PECAM1: variants seen among roughly 807,000 people sequenced by gnomAD.
PECAM1 encodes the protein platelet and endothelial cell adhesion molecule 1, also known as platelet endothelial cell adhesion molecule.
A neutral mutation model predicts 13.8 loss-of-function variants in PECAM1; 8 were observed. The observed-to-expected ratio is 0.58, with a 90% CI of 0.34 to 1.05. PECAM1 has a LOEUF of 1.05. Ranked by LOEUF, PECAM1 falls within the 50% of genes least tolerant of loss-of-function variation. The pLI, the probability that PECAM1 is intolerant of heterozygous loss-of-function variation, is 0.03. For missense variants in PECAM1, 304 were observed against 141.2 expected (o/e 2.15, Z -5.84); for synonymous variants, 136 against 52.6 (o/e 2.58, Z -6.86).
intron 14 of PECAM1, among the ~76,000 whole-genome samples, chr17:64,339,634 T>A (rs1377471675): frequency 2.0e-5 from 3 of 152,164 alleles, no homozygotes; most frequent in Non-Finnish European, 4.4e-5. Flanking sequence ...ATTGTCAGAT[T>A]TGCATTTTGT....
intron 3 of PECAM1, among the ~76,000 whole-genome samples, 174 bp from the exon 4 acceptor site, chr17:64,375,530 C>G (rs2036337446): frequency 6.6e-6 from 1 of 152,094 alleles, no homozygotes; most frequent in African/African-American, 2.4e-5. Flanking sequence ...AATAAATGAA[C>G]AGGTATGTGC....
At chr17:64,336,582 T>G (rs1598001912) in intron 14 of PECAM1, among the ~76,000 whole-genome samples, 1 of 151,928 alleles carries the variant, frequency 6.6e-6, no homozygotes, top group Non-Finnish European at 1.5e-5. Context: ...TAGCAACCAG[T>G]AAGAGGAAAA....
chr17:64,332,382 G>T (rs1421080729), intron 14 of PECAM1, among the ~76,000 whole-genome samples: 1 of 152,090 alleles, frequency 6.6e-6, no homozygotes, highest in African/African-American at 2.4e-5. Context: ...AACAGCGAAA[G>T]AACCTCAAGT....
intron 2 of PECAM1, among the ~76,000 whole-genome samples, chr17:64,386,203 G>C (rs916087376): frequency 2.6e-5 from 4 of 152,276 alleles, no homozygotes; most frequent in Non-Finnish European, 4.4e-5. Context: ...TCAGGAGTTT[G>C]AGAATAGCCT....
In PECAM1 at chr17:64,321,543, A is replaced by C. The variant is rs1457124906; in HGVS notation, c.*2273T>G. 1 of 726,950 alleles carries C rather than the reference A, an allele frequency of 1.4e-6. No homozygotes were observed. Among genetic ancestry groups the C allele is most frequent in the East Asian group, 1.1e-4 (1 of 8,790 alleles). The allele number at this position is 726,950 out of a possible 1,614,324, so 45.0% of individuals were successfully genotyped here. A position where few individuals can be genotyped will look rare whatever the true frequency, so the allele number is the denominator to read the frequency against. On this transcript the variant is annotated 3_prime_UTR_variant, in exon 16 of 16. Transcript: ENST00000563924. ...GAGGCCAAGGAGGGAGGATCACTTG[A>C]GCCCAGAAGTTCGAGACCAGCCTGG...
chr17:64,350,580 C>T (rs1425415062), intron 11 of PECAM1, 147 bp from the exon 12 acceptor site: 5 of 395,992 alleles, frequency 1.3e-5, no homozygotes, highest in Non-Finnish European at 2.3e-5. Context: ...TGGGTCCCCT[C>T]GTTGGCCCTC....
At chr17:64,367,550 CAAAA>C (rs1178085807) in intron 5 of PECAM1, among the ~76,000 whole-genome samples, 3 of 97,760 alleles carry the variant, frequency 3.1e-5, no homozygotes, top group Non-Finnish European at 5.8e-5. Context: ...AACTCCATCT[CAAAA>C]AAAAAAAAAA....
At position 64,322,949 on chromosome 17, in the gene PECAM1, C is replaced by T. The variant is rs1460782271; in HGVS notation, c.*867G>A. 29 of 623,030 alleles carry T rather than the reference C, an allele frequency of 4.7e-5. No homozygotes were observed. Among genetic ancestry groups the T allele is most frequent in the Admixed American group, 2.5e-4 (4 of 15,812 alleles). The allele number at this position is 623,030 out of a possible 1,614,324, so 38.6% of individuals were successfully genotyped here. Reference sequence around the variant, plus strand: ...CTCAAACTCCTGACCTCAGGTGATCCGCCCACCTCAGCCTCCTGAAGTGCT... The same window carrying T: ...CTCAAACTCCTGACCTCAGGTGATCTGCCCACCTCAGCCTCCTGAAGTGCT... On this transcript the variant is annotated 3_prime_UTR_variant, in exon 16 of 16. Coordinates refer to ENST00000563924, the MANE Select transcript of PECAM1 (RefSeq NM_000442.5).
At chr17:64,374,524 C>T (rs2036312833) in intron 4 of PECAM1, among the ~76,000 whole-genome samples, 1 of 151,860 alleles carries the variant, frequency 6.6e-6, no homozygotes, top group Non-Finnish European at 1.5e-5. Flanking sequence ...TGGCTCACGC[C>T]TGTAATCCCA....
Position 64,358,275 on chromosome 17 carries a change from C to A in PECAM1, c.1492+1865G>T, listed in dbSNP as rs907136588. 1.4e-4 allele frequency among the ~76,000 whole-genome samples: 22 copies of A among 152,150 alleles called. 1 individual carries two copies. The South Asian group carries it at 4.6e-3, about 32-fold the overall frequency. On this transcript the variant is annotated intron_variant, in intron 7 of 15. Transcript: ENST00000563924. ...CTGGGGCTACAGGCACCCACCACCA[C>A]GCTGGGCTAATTTTTGTATTTTTAG... is the stretch of plus-strand genomic sequence containing the variant.
chr17:64,334,098 A>C (rs56774006), intron 14 of PECAM1, among the ~76,000 whole-genome samples: 4,607 of 147,694 alleles, frequency 0.031, 91 homozygotes, highest in East Asian at 0.072. Flanking sequence ...AGCTGAGTGG[A>C]AGGCGCCTCA....
At chr17:64,347,562 A>T (rs2035604464) in intron 13 of PECAM1, among the ~76,000 whole-genome samples, 1 of 144,918 alleles carries the variant, frequency 6.9e-6, no homozygotes, top group African/African-American at 2.5e-5. Flanking sequence ...TATATATATA[A>T]AATAAAAAAT....
At chr17:64,374,484 G>A (rs1396555966) in intron 4 of PECAM1, among the ~76,000 whole-genome samples, 2 of 149,752 alleles carry the variant, frequency 1.3e-5, no homozygotes, top group African/African-American at 4.9e-5. Flanking sequence ...GCAAGACCCT[G>A]TCTCAAAAAC....
intron 14 of PECAM1, among the ~76,000 whole-genome samples, chr17:64,341,021 G>A (rs1031891622): frequency 4.6e-5 from 7 of 151,358 alleles, no homozygotes; most frequent in East Asian, 3.9e-4. Context: ...CGCTTGAACC[G>A]GGAGGCGGAG....
intron 15 of PECAM1, among the ~76,000 whole-genome samples, chr17:64,324,645 A>T (rs965059544): frequency 5.9e-5 from 9 of 152,246 alleles, no homozygotes; most frequent in African/African-American, 2.2e-4. Flanking sequence ...AAAATGAAGG[A>T]CTGAACTTAG....
intron 14 of PECAM1, among the ~76,000 whole-genome samples, chr17:64,336,772 C>A (rs938551583): frequency 6.6e-6 from 1 of 151,830 alleles, no homozygotes; most frequent in Non-Finnish European, 1.5e-5. Context: ...GCGGGAGGAT[C>A]GCTTGAGCCC....
rs1263564567 is a variant in PECAM1, at chr17:64,371,658, C to T, written c.692-1633G>A. 6.6e-5 allele frequency among the ~76,000 whole-genome samples: 10 copies of T among 152,174 alleles called. No homozygotes were observed. In the South Asian group the frequency reaches 8.3e-4, roughly 13 times the overall value. The stretch of plus-strand genomic sequence containing the variant: ...CAGCCTGGCCAAGATGGTGAAACCC[C>T]GTCTCTACTAAAAATACAAAAATTA... On this transcript the variant is annotated intron_variant, in intron 4 of 15. Transcript: ENST00000563924.
intron 13 of PECAM1, among the ~76,000 whole-genome samples, chr17:64,342,938 G>A (rs2035471941): frequency 6.6e-6 from 1 of 152,020 alleles, no homozygotes; most frequent in Admixed American, 6.6e-5. Flanking sequence ...CAATCTGGGT[G>A]TGCACACACT....
intron 4 of PECAM1, among the ~76,000 whole-genome samples, chr17:64,371,386 G>T (rs1318257441): frequency 2.0e-5 from 3 of 152,108 alleles, no homozygotes; most frequent in Non-Finnish European, 4.4e-5. Context: ...TTTATTAAAG[G>T]CTCAGCTAGG....
Sources: gnomAD v4.1 joint callset for allele counts (sites outside exome capture counted in the v4.1 genomes callset) on GRCh38, gnomAD v4.1.1 for gene constraint, MANE v1.5 for transcripts, NCBI Gene and HGNC (gene_info 2026-07-23, HGNC 2026-07-21) for gene names.